The following SPATA31D1 variants were observed in gnomAD, a reference collection of about 807,000 sequenced individuals.
SPATA31D1 encodes SPATA31 subfamily D member 1, also known as spermatogenesis-associated protein 31D1.
SPATA31D1 carries 6 observed loss-of-function variants against 13.2 expected under a neutral mutation model. The ratio of observed to expected loss-of-function variants is 0.46; its 90% confidence interval spans 0.25 to 0.90. SPATA31D1 has a LOEUF of 0.90. SPATA31D1 is among the 40% of genes least tolerant of loss of function. SPATA31D1 has a pLI of 0.18. For synonymous variants in SPATA31D1, 903 were observed against 718.8 expected, an observed-to-expected ratio of 1.26 and a Z score of -4.10; for missense variants, 2,445 against 1,884.7, an observed-to-expected ratio of 1.30 and a Z score of -5.50.
At chr9:81,990,042 C>T in intron 2 of SPATA31D1, 2 of 567,596 alleles carry the variant, frequency 3.5e-6, no homozygotes, top group Non-Finnish European at 3.1e-6. Context: ...TGGACCTGAG[C>T]AATGGGTGTT....
Position 81,994,285 on chromosome 9 carries a change from C to T in SPATA31D1, c.3815C>T (p.Pro1272Leu), listed in dbSNP as rs1170621158. The T allele has an allele frequency of 1.2e-6, 2 of 1,613,930 alleles. No individual in the cohort carries two copies. The highest frequency in any genetic ancestry group is 2.2e-5 in the East Asian group (1 of 44,868). Residue 1272 changes from proline (P) to leucine (L), a missense_variant, in exon 4 of 4, where the codon CCC (proline) becomes CTC (leucine). By Grantham distance (98) the Pro-to-Leu change is moderately conservative. Coordinates refer to ENST00000344803, the MANE Select transcript of SPATA31D1 (RefSeq NM_001001670.3). ...SGIRVAQKQE[P>L]RVPTCVLQKC... ...ATCCGTGTGGCACAGAAGCAGGAGC[C>T]CAGGGTCCCTACCTGTGTCTTACAG...
At position 81,992,516 on chromosome 9, in the gene SPATA31D1, G is replaced by C; in HGVS notation, c.2046G>C (p.Glu682Asp). The change falls in exon 4 of 4, where the codon GAG (glutamate) becomes GAC (aspartate). Residue 682 changes from glutamate (E) to aspartate (D), a missense_variant. By Grantham distance (45) the Glu-to-Asp change is conservative. Transcript: ENST00000344803. ...IIPGDFPLSS[E>D]VRKKLEQHIR... The stretch of plus-strand genomic sequence containing the variant: ...CTGGAGATTTTCCACTCAGCTCTGA[G>C]GTAAGGAAGAAACTAGAGCAACACA... The C allele has an allele frequency of 6.2e-7, 1 of 1,611,960 alleles. No homozygotes were observed. The highest frequency in any genetic ancestry group is 2.2e-5 in the East Asian group (1 of 44,882).
Position 81,994,152 on chromosome 9 carries a change from G to C in SPATA31D1, c.3682G>C (p.Ala1228Pro). The C allele has an allele frequency of 1.2e-6, 2 of 1,613,980 alleles. No homozygotes were observed. The highest frequency in any genetic ancestry group is 1.7e-6 in the Non-Finnish European group (2 of 1,179,880). Residue 1228 changes from alanine (A) to proline (P), a missense_variant, in exon 4 of 4, where the codon GCC (alanine) becomes CCC (proline). Transcript: ENST00000344803. ...PQSHFTDMSFALDNLSSKDLL... is the reference protein window; with the variant it reads ...PQSHFTDMSFPLDNLSSKDLL... ...GAGCCATTTCACTGACATGTCTTTTGCCTTAGATAACTTGAGTTCCAAGGA... is the reference window on the plus strand; with the variant it reads ...GAGCCATTTCACTGACATGTCTTTTCCCTTAGATAACTTGAGTTCCAAGGA...
At position 81,990,863 on chromosome 9, in the gene SPATA31D1, G is replaced by C. The variant is rs769766551; in HGVS notation, c.393G>C (p.Arg131=). ...TGTTATGCCCAGACCCCGTCTGTCG[G>C]GTGTGTAAGAGAGCAACTGCTGATA... ...RRLLCPDPVC[R]VCKRATADIQ... The change falls in exon 4 of 4, where the codon CGG becomes CGC. Residue 131 remains arginine (R), a synonymous_variant. Transcript: ENST00000344803. 6.2e-6 allele frequency: 10 copies of C among 1,613,708 alleles called. No individual in the cohort carries two copies. The African/African-American group carries it at 1.2e-4, about 19-fold the overall frequency.
upstream of SPATA31D1, among the ~76,000 whole-genome samples, chr9:81,988,381 G>C (rs188556344): frequency 1.1e-4 from 17 of 152,318 alleles, no homozygotes; most frequent in African/African-American, 3.8e-4. Flanking sequence ...CTGTAGGTAA[G>C]ATGGATTTGA....
Position 81,991,087 on chromosome 9 carries a change from C to A in SPATA31D1, c.617C>A (p.Thr206Asn). 1 of 1,613,730 alleles carries A rather than the reference C, an allele frequency of 6.2e-7. No individual in the cohort carries two copies. The highest frequency in any genetic ancestry group is 8.5e-7 in the Non-Finnish European group (1 of 1,179,718). ...PPLILSPDLI[T>N]TLADLFSPSP... ...TTAATTCTCTCACCTGACCTGATCA[C>A]CACCTTAGCTGACTTATTTTCACCC... The change falls in exon 4 of 4, where the codon ACC (threonine) becomes AAC (asparagine). Residue 206 changes from threonine (T) to asparagine (N), a missense_variant. Coordinates refer to ENST00000344803, the MANE Select transcript of SPATA31D1 (RefSeq NM_001001670.3).
At position 81,991,704 on chromosome 9, in the gene SPATA31D1, C is replaced by G; in HGVS notation, c.1234C>G (p.Leu412Val). Residue 412 changes from leucine (L) to valine (V), a missense_variant, in exon 4 of 4, where the codon CTG (leucine) becomes GTG (valine). Leu to Val is a conservative substitution (Grantham distance 32). Transcript: ENST00000344803. Reference protein sequence around the residue: ...VNISFLSHDILALLERQVKKR... With the variant: ...VNISFLSHDIVALLERQVKKR... ...CATCTCATTTCTCAGCCATGACATTCTGGCACTCCTGGAGAGACAAGTCAA... is the reference window on the plus strand; with the variant it reads ...CATCTCATTTCTCAGCCATGACATTGTGGCACTCCTGGAGAGACAAGTCAA... 1 of 1,613,866 alleles carries G rather than the reference C, an allele frequency of 6.2e-7. No homozygotes were observed. The highest frequency in any genetic ancestry group is 8.5e-7 in the Non-Finnish European group (1 of 1,179,818).
Position 81,990,974 on chromosome 9 carries a change from A to T in SPATA31D1, c.504A>T (p.Ser168=). The T allele has an allele frequency of 6.2e-7, 1 of 1,613,610 alleles. No homozygotes were observed. The highest frequency in any genetic ancestry group is 2.2e-5 in the East Asian group (1 of 44,876). The part of the protein sequence containing the change: ...PLASSASATE[S]SFTLASTPSA... Reference sequence around the variant, plus strand: ...CTTCTTCGGCTTCTGCGACTGAGTCATCGTTCACTCTGGCTTCCACCCCCT... The same window carrying T: ...CTTCTTCGGCTTCTGCGACTGAGTCTTCGTTCACTCTGGCTTCCACCCCCT... The change falls in exon 4 of 4, where the codon TCA becomes TCT. Residue 168 remains serine, a synonymous_variant. Coordinates refer to ENST00000344803, the MANE Select transcript of SPATA31D1 (RefSeq NM_001001670.3).
At position 81,991,434 on chromosome 9, in the gene SPATA31D1, A is replaced by C; in HGVS notation, c.964A>C (p.Lys322Gln). 1.2e-6 allele frequency: 2 copies of C among 1,614,026 alleles called. No individual in the cohort carries two copies. Among genetic ancestry groups the C allele is most frequent in the South Asian group, 2.2e-5 (2 of 91,082 alleles). The change falls in exon 4 of 4, where the codon AAG becomes CAG. Residue 322 changes from lysine (K) to glutamine (Q), a missense_variant. By Grantham distance (53) the Lys-to-Gln change is moderately conservative. Transcript: ENST00000344803. ...GTCTAAATCAAGTCTCACCATCTTG[A>C]AGACTTTTCCGGAAATGTTATCTCT... ...TQSKSSLTIL[K>Q]TFPEMLSLGG... is the part of the protein sequence containing the mutation.
chr9:81,992,114 C>G lies in SPATA31D1; in HGVS notation c.1644C>G (p.Pro548=). ...TATCCCATGAATCCCCAGTACTTCC[C>G]CCTCCCCAACCTCTGTCCTTGCCTA... The part of the protein sequence containing the change: ...TSISHESPVL[P]PPQPLSLPST... The change falls in exon 4 of 4, where the codon CCC becomes CCG. Residue 548 remains proline (P), a synonymous_variant. Transcript: ENST00000344803. 6.2e-7 allele frequency: 1 copy of G among 1,613,704 alleles called. No homozygotes were observed. The highest frequency in any genetic ancestry group is 1.1e-5 in the South Asian group (1 of 91,060).
In SPATA31D1 at chr9:81,994,398, G is replaced by A. The variant is rs1825050949; in HGVS notation, c.3928G>A (p.Gly1310Arg). The change falls in exon 4 of 4, where the codon GGG (glycine) becomes AGG (arginine). Residue 1310 changes from glycine (G) to arginine (R), a missense_variant. Coordinates refer to ENST00000344803, the MANE Select transcript of SPATA31D1 (RefSeq NM_001001670.3). ...KGGELDGGDA[G>R]LGTSQRRRKS... ...AGGAGAGCTTGATGGAGGGGATGCA[G>A]GGCTGGGGACATCCCAACGCAGGAG... is the stretch of plus-strand genomic sequence containing the variant. The A allele has an allele frequency of 1.2e-6, 2 of 1,613,790 alleles. No individual in the cohort carries two copies. Among genetic ancestry groups the A allele is most frequent in the Non-Finnish European group, 1.7e-6 (2 of 1,179,858 alleles).
Position 81,991,971 on chromosome 9 carries a change from G to T in SPATA31D1, c.1501G>T (p.Val501Phe). ...CFEDHLEQKY[V>F]QLFWGLPSLH... ...TGAAGACCATTTAGAGCAAAAATAT[G>T]TCCAGCTCTTCTGGGGTCTCCCATC... Residue 501 changes from valine (V) to phenylalanine (F), a missense_variant, in exon 4 of 4, where the codon GTC (valine) becomes TTC (phenylalanine). Physicochemically the swap from Val to Phe is conservative, Grantham distance 50. Transcript: ENST00000344803. The T allele has an allele frequency of 1.2e-6, 2 of 1,613,700 alleles. No homozygotes were observed. Among genetic ancestry groups the T allele is most frequent in the Non-Finnish European group, 1.7e-6 (2 of 1,179,694 alleles).
rs199747562 is a variant in SPATA31D1 at position 81,991,542 on chromosome 9, T to G, written c.1072T>G (p.Trp358Gly). Residue 358 changes from tryptophan (W) to glycine (G), a missense_variant, in exon 4 of 4, where the codon TGG (tryptophan) becomes GGG (glycine). Trp to Gly is a radical substitution (Grantham distance 184). Transcript: ENST00000344803. ...ACACCTTGCATCTTCAGAATTCACC[T>G]GGTGGCAGCCTCATGCCAAGGACTC... is the stretch of plus-strand genomic sequence containing the variant. The part of the protein sequence containing the change: ...HSHLASSEFT[W>G]WQPHAKDSFS... 2.2e-5 allele frequency: 36 copies of G among 1,614,026 alleles called. No homozygotes were observed. The African/African-American group carries it at 4.1e-4, about 19-fold the overall frequency.
chr9:81,994,339 C>G lies in SPATA31D1; in HGVS notation c.3869C>G (p.Ala1290Gly). The change falls in exon 4 of 4, where the codon GCT becomes GGT. Residue 1290 changes from alanine to glycine, a missense_variant. Coordinates refer to ENST00000344803, the MANE Select transcript of SPATA31D1 (RefSeq NM_001001670.3). ...TGTCAAGTTACGAATTTCCCACCAG[C>G]TGTAAACAGAGTGAGTCCTGTGAGA... ...QKCQVTNFPP[A>G]VNRVSPVRPK... 6.2e-7 allele frequency: 1 copy of G among 1,613,986 alleles called. No homozygotes were observed.
chr9:81,993,459 G>A lies in SPATA31D1; in HGVS notation c.2989G>A (p.Gly997Arg). 1.2e-6 allele frequency: 2 copies of A among 1,613,806 alleles called. No homozygotes were observed. The highest frequency in any genetic ancestry group is 1.7e-6 in the Non-Finnish European group (2 of 1,179,854). ...TGTCTCCTCACCTGTCGTCCAAGAAGGGCAGGGGACCCTGAGAAGACAATT... is the reference window on the plus strand; with the variant it reads ...TGTCTCCTCACCTGTCGTCCAAGAAAGGCAGGGGACCCTGAGAAGACAATT... ...HPVSSPVVQE[G>R]QGTLRRQFSD... is the part of the protein sequence containing the mutation. Residue 997 changes from glycine (G) to arginine (R), a missense_variant, in exon 4 of 4, where the codon GGG becomes AGG. Physicochemically the swap from Gly to Arg is moderately radical, Grantham distance 125. Transcript: ENST00000344803.
At chr9:81,989,996 G>T in intron 2 of SPATA31D1, 173 bp downstream of exon 2, 1 of 678,596 alleles carries the variant, frequency 1.5e-6, no homozygotes, top group Non-Finnish European at 2.4e-6. Context: ...CTGCTCAGAG[G>T]CCCTGCTCTG....
chr9:81,991,987 G>T lies in SPATA31D1; in HGVS notation c.1517G>T (p.Gly506Val), dbSNP rs1413786270. The T allele has an allele frequency of 6.2e-7, 1 of 1,613,724 alleles. No individual in the cohort carries two copies. Among genetic ancestry groups the T allele is most frequent in the Admixed American group, 1.7e-5 (1 of 60,018 alleles). ...CAAAAATATGTCCAGCTCTTCTGGGGTCTCCCATCTTTGCACAGCGAGTCT... is the reference window on the plus strand; with the variant it reads ...CAAAAATATGTCCAGCTCTTCTGGGTTCTCCCATCTTTGCACAGCGAGTCT... Reference protein sequence around the residue: ...LEQKYVQLFWGLPSLHSESLH... With the variant: ...LEQKYVQLFWVLPSLHSESLH... The change falls in exon 4 of 4, where the codon GGT (glycine) becomes GTT (valine). Residue 506 changes from glycine (G) to valine (V), a missense_variant. Coordinates refer to ENST00000344803, the MANE Select transcript of SPATA31D1 (RefSeq NM_001001670.3).
In SPATA31D1 at chr9:81,992,532, G is replaced by A; in HGVS notation, c.2062G>A (p.Glu688Lys). The A allele has an allele frequency of 6.2e-7, 1 of 1,611,956 alleles. No homozygotes were observed. The highest frequency in any genetic ancestry group is 8.5e-7 in the Non-Finnish European group (1 of 1,179,738). The stretch of plus-strand genomic sequence containing the variant: ...CAGCTCTGAGGTAAGGAAGAAACTA[G>A]AGCAACACATTCGAAGGAGGCTCAT... ...PLSSEVRKKLEQHIRRRLIQR... is the reference protein window; with the variant it reads ...PLSSEVRKKLKQHIRRRLIQR... The change falls in exon 4 of 4, where the codon GAG (glutamate) becomes AAG (lysine). Residue 688 changes from glutamate to lysine, a missense_variant. Glu to Lys is a moderately conservative substitution (Grantham distance 56). Coordinates refer to ENST00000344803, the MANE Select transcript of SPATA31D1 (RefSeq NM_001001670.3).
In SPATA31D1 at chr9:81,991,901, A is replaced by C. The variant is rs376178569; in HGVS notation, c.1431A>C (p.Leu477=). 6.2e-7 allele frequency: 1 copy of C among 1,613,794 alleles called. No individual in the cohort carries two copies. Among genetic ancestry groups the C allele is most frequent in the South Asian group, 1.1e-5 (1 of 91,074 alleles). Residue 477 remains leucine, a synonymous_variant, in exon 4 of 4, where the codon CTA becomes CTC. Transcript: ENST00000344803. ...SFPFWASKGK[L]EWQHIHQQPP... ...CTTTTTGGGCCAGTAAAGGCAAACT[A>C]GAATGGCAGCACATCCATCAGCAGC... is the stretch of plus-strand genomic sequence containing the variant.
Sources: allele counts gnomAD v4.1 joint callset (sites outside exome capture counted in the v4.1 genomes callset), GRCh38; gene constraint gnomAD v4.1.1; transcripts MANE v1.5; gene names NCBI Gene and HGNC (gene_info 2026-07-23, HGNC 2026-07-21).